The following GORASP2 variants were observed in gnomAD, a reference collection of about 807,000 sequenced individuals.
GORASP2 encodes golgi reassembly stacking protein 2.
Under a neutral mutation model 45.7 loss-of-function variants are expected in GORASP2, and 22 were observed. That is an observed-to-expected ratio of 0.48 (90% CI 0.34 to 0.69). The LOEUF (loss-of-function observed/expected upper bound fraction) is 0.69. Among genes scored for constraint, GORASP2 ranks in the 30% least tolerant of loss-of-function variants. The pLI is 0.01. For synonymous variants in GORASP2, 221 were observed against 215.6 expected, an observed-to-expected ratio of 1.02 and a Z score of -0.22; for missense variants, 491 against 562.7, an observed-to-expected ratio of 0.87 and a Z score of 1.29.
chr2:170,956,590 C>A, intron 7 of GORASP2, 31 bp downstream of exon 7: 2 of 1,571,676 alleles, frequency 1.3e-6, no homozygotes, highest in South Asian at 2.3e-5. Context: ...TGTTTTCAGT[C>A]TATTTTATGT....
At chr2:170,949,285 A>G (rs1704243854) in intron 2 of GORASP2, among the ~76,000 whole-genome samples, 1 of 152,250 alleles carries the variant, frequency 6.6e-6, no homozygotes, top group Non-Finnish European at 1.5e-5. Flanking sequence ...AGATCATTCT[A>G]AATAATGTTG....
chr2:170,963,485 TCCCGCCCC>T (rs1288710650), intron 9 of GORASP2, among the ~76,000 whole-genome samples: 1 of 13,578 alleles, frequency 7.4e-5, no homozygotes, highest in Non-Finnish European at 1.6e-4. Context: ...CTCCTCCTCC[TCCCGCCCC>T]CCTCCCCCGC....
At chr2:170,955,384 G>GGA (rs759798016) in intron 6 of GORASP2, among the ~76,000 whole-genome samples, 1 of 152,152 alleles carries the variant, frequency 6.6e-6, no homozygotes, top group Non-Finnish European at 1.5e-5. Context: ...GGTCATGAGG[G>GGA]GAGTGAAGGG....
intron 7 of GORASP2, among the ~76,000 whole-genome samples, chr2:170,958,517 A>G (rs144097348): frequency 8.1e-4 from 123 of 152,272 alleles, no homozygotes; most frequent in African/African-American, 2.7e-3. Context: ...TTTTTTGCCT[A>G]CATCTCATCA....
At chr2:170,961,859 T>C in intron 8 of GORASP2, 110 bp downstream of exon 8, 2 of 750,594 alleles carry the variant, frequency 2.7e-6, no homozygotes, top group South Asian at 2.9e-5. Context: ...TTATGTCTTT[T>C]AATCTCAGTT....
At chr2:170,963,336 C>T (rs755761253) in intron 9 of GORASP2, among the ~76,000 whole-genome samples, 6 of 148,878 alleles carry the variant, frequency 4.0e-5, no homozygotes, top group Non-Finnish European at 5.9e-5. Context: ...GATCACACTA[C>T]TGCACTCCAG....
intron 1 of GORASP2, among the ~76,000 whole-genome samples, chr2:170,947,902 C>T (rs901923335): frequency 9.2e-5 from 14 of 152,114 alleles, no homozygotes; most frequent in African/African-American, 3.4e-4. Flanking sequence ...AGGTGGATCC[C>T]TTGAGCCCAG....
At chr2:170,937,430 G>A (rs939299133) in intron 1 of GORASP2, among the ~76,000 whole-genome samples, 2 of 152,074 alleles carry the variant, frequency 1.3e-5, no homozygotes, top group Non-Finnish European at 2.9e-5. Context: ...CAAACTCCCG[G>A]GCTCAAGTGA....
Position 170,954,733 on chromosome 2 carries a change from G to A in GORASP2, c.650G>A (p.Gly217Glu). The change falls in exon 6 of 10, where the codon GGA (glycine) becomes GAA (glutamate). Residue 217 changes from glycine (G) to glutamate (E), a missense_variant. Around this residue, in one of 2 missense-constraint regions of GORASP2, gnomAD observed 194 missense variants for 270.4 expected, o/e 0.72. Coordinates refer to ENST00000234160, the MANE Select transcript of GORASP2 (RefSeq NM_015530.5). Reference sequence around the variant, plus strand: ...GAAGGAAAGAAAATTTCTCTTCCAGGACAAATGGCTGGTACACCTATTACA... The same window carrying A: ...GAAGGAAAGAAAATTTCTCTTCCAGAACAAATGGCTGGTACACCTATTACA... Reference protein sequence around the residue: ...FEEGKKISLPGQMAGTPITPL... With the variant: ...FEEGKKISLPEQMAGTPITPL... 4 of 1,613,628 alleles carry A rather than the reference G, an allele frequency of 2.5e-6. No individual in the cohort carries two copies. The highest frequency in any genetic ancestry group is 3.4e-6 in the Non-Finnish European group (4 of 1,179,574).
At chr2:170,941,627 G>T (rs578127421) in intron 1 of GORASP2, among the ~76,000 whole-genome samples, 1 of 152,116 alleles carries the variant, frequency 6.6e-6, no homozygotes, top group East Asian at 1.9e-4. Flanking sequence ...CATGTGCTAG[G>T]TACTCATTTG....
intron 7 of GORASP2, among the ~76,000 whole-genome samples, chr2:170,958,539 A>C (rs549882710): frequency 9.9e-5 from 15 of 152,040 alleles, no homozygotes; most frequent in African/African-American, 3.1e-4. Flanking sequence ...ATAATTCTCT[A>C]GTTTATTCCT....
chr2:170,929,288 T>TGGGGGCGGGAGCAGCGC lies in GORASP2; in HGVS notation c.-50_-34dup. Reference sequence around the variant, plus strand: ...CGGAGGATTAGAGCAGGCGGTGCGCTGGGGGCGGGAGCAGCGCGGAGCCCG... The same window carrying TGGGGGCGGGAGCAGCGC: ...CGGAGGATTAGAGCAGGCGGTGCGCTGGGGGCGGGAGCAGCGCGGGGGCGGGAGCAGCGCGGAGCCCG... On this transcript the variant is annotated 5_prime_UTR_variant, in exon 1 of 10. Coordinates refer to ENST00000234160, the MANE Select transcript of GORASP2 (RefSeq NM_015530.5). 1 of 1,297,686 alleles carries TGGGGGCGGGAGCAGCGC rather than the reference T, an allele frequency of 7.7e-7. No individual in the cohort carries two copies. The allele number at this position is 1,297,686 out of a possible 1,614,324, so 80.4% of individuals were successfully genotyped here.
Position 170,943,902 on chromosome 2 carries a change from C to CT in GORASP2, c.64-4447dup, listed in dbSNP as rs1337617383. Among the ~76,000 whole-genome samples the CT allele has an allele frequency of 2.0e-5, 3 of 152,120 alleles. No homozygotes were observed. In the East Asian group the frequency reaches 5.8e-4, roughly 29 times the overall value. ...TGTTGCCCAAGCTGGTCTTGAACTCCTAGCCTCAGGAGATCCTCTCACCTC... is the reference window on the plus strand; with the variant it reads ...TGTTGCCCAAGCTGGTCTTGAACTCCTTAGCCTCAGGAGATCCTCTCACCTC... On this transcript the variant is annotated intron_variant, in intron 1 of 9. Coordinates refer to ENST00000234160, the MANE Select transcript of GORASP2 (RefSeq NM_015530.5).
intron 9 of GORASP2, among the ~76,000 whole-genome samples, chr2:170,963,278 G>A (rs1478991947): frequency 6.7e-6 from 1 of 149,342 alleles, no homozygotes; most frequent in Non-Finnish European, 1.5e-5. Context: ...AGGAGGCTGA[G>A]ACAGAAGAAT....
At chr2:170,957,605 C>A (rs1036626830) in intron 7 of GORASP2, among the ~76,000 whole-genome samples, 1 of 152,156 alleles carries the variant, frequency 6.6e-6, no homozygotes, top group Non-Finnish European at 1.5e-5. Context: ...CTTGTTCTAC[C>A]TGATATAGTC....
intron 8 of GORASP2, 111 bp downstream of exon 8, chr2:170,961,860 A>C (rs1575480419): frequency 1.3e-6 from 1 of 751,164 alleles, no homozygotes; most frequent in East Asian, 2.5e-5. Context: ...TATGTCTTTT[A>C]ATCTCAGTTT....
rs1311205869 is a variant in GORASP2, at chr2:170,946,571, T to C, written c.64-1779T>C. The stretch of plus-strand genomic sequence containing the variant: ...TTATATTAAAAGTAATCTCACTCTT[T>C]CATTTAAAGGCCAGTAAATGTAGCT... On this transcript the variant is annotated intron_variant, in intron 1 of 9. Transcript: ENST00000234160. Among the ~76,000 whole-genome samples, 3 of 152,216 alleles carry C rather than the reference T, an allele frequency of 2.0e-5. No homozygotes were observed. In the East Asian group the frequency reaches 5.8e-4, roughly 29 times the overall value.
upstream of GORASP2, chr2:170,929,187 CA>C (rs1703750076): frequency 3.9e-6 from 2 of 519,266 alleles, no homozygotes; most frequent in Non-Finnish European, 6.1e-6. Context: ...GCCCGGGCTG[CA>C]GCAGAGACGA....
chr2:170,949,735 A>G lies in GORASP2; in HGVS notation c.341A>G (p.His114Arg). 1 of 1,610,240 alleles carries G rather than the reference A, an allele frequency of 6.2e-7. No individual in the cohort carries two copies. The highest frequency in any genetic ancestry group is 8.5e-7 in the Non-Finnish European group (1 of 1,176,482). The change falls in exon 3 of 10, where the codon CAT becomes CGT. Residue 114 changes from histidine to arginine, a missense_variant. His to Arg is a conservative substitution (Grantham distance 29). Transcript: ENST00000234160. ...GATGGGGCAAATGAAAATGTTTGGCATGTGCTGGTACGTATCAACTGTGAA... is the reference window on the plus strand; with the variant it reads ...GATGGGGCAAATGAAAATGTTTGGCGTGTGCTGGTACGTATCAACTGTGAA... The part of the protein sequence containing the change: ...SFDGANENVW[H>R]VLEVESNSPA...
Sources: allele counts gnomAD v4.1 joint callset (sites outside exome capture counted in the v4.1 genomes callset), GRCh38; gene constraint gnomAD v4.1.1; regional missense constraint gnomAD v4.1.1; transcripts MANE v1.5; gene names NCBI Gene and HGNC (gene_info 2026-07-23, HGNC 2026-07-21).